The following PALLD variants were observed in gnomAD, a reference collection of about 807,000 sequenced individuals.
The protein encoded by PALLD is palladin.
A neutral mutation model predicts 123.5 loss-of-function variants in PALLD; 61 were observed. The ratio of observed to expected loss-of-function variants is 0.49; its 90% CI spans 0.40 to 0.61. PALLD has a LOEUF of 0.61. Ranked by LOEUF, PALLD falls within the 20% of genes least tolerant of loss-of-function variation. The pLI is 0.00. For synonymous variants in PALLD, 465 were observed against 496.4 expected, an observed-to-expected ratio of 0.94 and a Z score of 0.84; for missense variants, 1,273 against 1,377.0, an observed-to-expected ratio of 0.92 and a Z score of 1.20.
chr4:168,689,432 C>CTTTTTTTTTTTTTTTTTTT (rs70961551), intron 6 of PALLD, among the ~76,000 whole-genome samples: 4 of 49,858 alleles, frequency 8.0e-5, no homozygotes, highest in African/African-American at 1.4e-4. Flanking sequence ...ATCCAATATT[C>CTTTTTTTTTTTTTTTTTTT]TTTTTTTTTT....
At chr4:168,879,155 A>C (rs949612533) in intron 10 of PALLD, among the ~76,000 whole-genome samples, 1 of 152,134 alleles carries the variant, frequency 6.6e-6, no homozygotes, top group Non-Finnish European at 1.5e-5. Context: ...TGCCTCCTCT[A>C]TCTCTTTCTG....
intron 2 of PALLD, among the ~76,000 whole-genome samples, chr4:168,645,087 G>A (rs1355129666): frequency 2.2e-5 from 3 of 137,776 alleles, no homozygotes; most frequent in Admixed American, 1.5e-4. Flanking sequence ...GACAGTGTGC[G>A]ACACAGTCTC....
intron 2 of PALLD, among the ~76,000 whole-genome samples, chr4:168,572,432 A>AG (rs1219194681): frequency 6.6e-6 from 1 of 152,110 alleles, no homozygotes; most frequent in African/African-American, 2.4e-5. Context: ...TCTCCCTCCA[A>AG]GGGCCAAGAT....
At chr4:168,725,716 C>T (rs1040648588) in intron 10 of PALLD, among the ~76,000 whole-genome samples, 6 of 151,732 alleles carry the variant, frequency 4.0e-5, no homozygotes, top group Admixed American at 2.6e-4. Flanking sequence ...TTAGTACAGA[C>T]GGGGTTTCAC....
chr4:168,618,265 T>C (rs941883294), intron 2 of PALLD, among the ~76,000 whole-genome samples: 3 of 152,252 alleles, frequency 2.0e-5, no homozygotes, highest in African/African-American at 7.2e-5. Context: ...AATGTAGTTA[T>C]ATGTAATAAT....
intron 2 of PALLD, among the ~76,000 whole-genome samples, chr4:168,635,372 C>T (rs998012088): frequency 1.3e-5 from 2 of 152,322 alleles, no homozygotes; most frequent in Admixed American, 6.5e-5. Flanking sequence ...TGCAACACTT[C>T]GTTTGTGAGA....
At chr4:168,594,111 A>G (rs1771734184) in intron 2 of PALLD, among the ~76,000 whole-genome samples, 1 of 152,194 alleles carries the variant, frequency 6.6e-6, no homozygotes, top group Non-Finnish European at 1.5e-5. Flanking sequence ...AGTAGAGGTT[A>G]TATATAAAGG....
intron 2 of PALLD, among the ~76,000 whole-genome samples, chr4:168,513,333 G>A (rs897242763): frequency 6.6e-6 from 1 of 152,200 alleles, no homozygotes; most frequent in African/African-American, 2.4e-5. Context: ...AAATAACAGT[G>A]AAGGGAGTAT....
rs961491450 is a variant in PALLD at position 168,506,804 on chromosome 4, T to C, written c.-82-4619T>C. Among the ~76,000 whole-genome samples the C allele has an allele frequency of 3.9e-5, 6 of 152,222 alleles. No homozygotes were observed. The South Asian group carries it at 1.2e-3, about 32-fold the overall frequency. On this transcript the variant is annotated intron_variant, in intron 1 of 21. Transcript: ENST00000505667. ...GTAGCAATCTGGCTTATATTTCTGT[T>C]GCATACACCGAAAGTGCTGTTGCAA...
chr4:168,860,380 C>T (rs1357815554), intron 10 of PALLD, among the ~76,000 whole-genome samples: 1 of 152,186 alleles, frequency 6.6e-6, no homozygotes, highest in African/African-American at 2.4e-5. Context: ...AAAAGAAATA[C>T]ATCAGTGTAG....
chr4:168,883,708 A>G (rs1752941695), intron 10 of PALLD, among the ~76,000 whole-genome samples: 1 of 152,326 alleles, frequency 6.6e-6, no homozygotes, highest in East Asian at 1.9e-4. Context: ...TCCCAACCAC[A>G]TGAATATTGT....
chr4:168,758,645 A>G (rs559875872), intron 10 of PALLD, among the ~76,000 whole-genome samples: 5 of 152,204 alleles, frequency 3.3e-5, no homozygotes, highest in African/African-American at 1.2e-4. Flanking sequence ...AGCTTTTTTG[A>G]GGTTAGTCCA....
chr4:168,766,529 G>A (rs1010167312), intron 10 of PALLD, among the ~76,000 whole-genome samples: 2 of 152,176 alleles, frequency 1.3e-5, no homozygotes, highest in African/African-American at 2.4e-5. Flanking sequence ...CAAGGCAGGC[G>A]GTTGTCCAGC....
chr4:168,661,424 A>G (rs963796504), intron 2 of PALLD, among the ~76,000 whole-genome samples: 1 of 152,210 alleles, frequency 6.6e-6, no homozygotes, highest in African/African-American at 2.4e-5. Context: ...TGAATAATTG[A>G]TTGATGAATG....
chr4:168,851,328 GTC>G, intron 10 of PALLD, among the ~76,000 whole-genome samples: 1 of 151,282 alleles, frequency 6.6e-6, no homozygotes, highest in Admixed American at 6.5e-5. Context: ...CAACTGGCCA[GTC>G]TCTCGTAGAT....
intron 2 of PALLD, among the ~76,000 whole-genome samples, chr4:168,600,006 TATACATACATGTGTGTACACAC>T (rs1561290759): frequency 2.8e-4 from 36 of 129,466 alleles, no homozygotes; most frequent in African/African-American, 8.6e-4. Context: ...CACACACGTA[TATACATACATGTGTGTACACAC>T]ACATACATAC....
Position 168,878,183 on chromosome 4 carries a change from C to T in PALLD, c.1965-12739C>T. 7.9e-6 allele frequency: 12 copies of T among 1,512,290 alleles called. No individual in the cohort carries two copies. The highest frequency in any genetic ancestry group is 1.1e-5 in the Non-Finnish European group (12 of 1,137,968). The allele number at this position is 1,512,290 out of a possible 1,614,324, so 93.7% of individuals were successfully genotyped here. On this transcript the variant is annotated intron_variant, in intron 10 of 21. Coordinates refer to ENST00000505667, the MANE Select transcript of PALLD (RefSeq NM_001166108.2). ...GCCCCCGCCACCCCCGGTCTTCAGC[C>T]CCACGGCTGCCTTCCCGGTGCCCGA... is the stretch of plus-strand genomic sequence containing the variant.
At chr4:168,865,932 C>T (rs1750207275) in intron 10 of PALLD, among the ~76,000 whole-genome samples, 1 of 152,106 alleles carries the variant, frequency 6.6e-6, no homozygotes, top group African/African-American at 2.4e-5. Context: ...CGGGAAAGTA[C>T]TAAGTAGCCC....
At chr4:168,717,737 C>T (rs1304839060) in intron 10 of PALLD, among the ~76,000 whole-genome samples, 1 of 152,128 alleles carries the variant, frequency 6.6e-6, no homozygotes, top group Non-Finnish European at 1.5e-5. Flanking sequence ...AGTACTTTTC[C>T]AACTGACATC....
Sources: gnomAD v4.1 joint callset for allele counts (sites outside exome capture counted in the v4.1 genomes callset) on GRCh38, gnomAD v4.1.1 for gene constraint, MANE v1.5 for transcripts, NCBI Gene and HGNC (gene_info 2026-07-23, HGNC 2026-07-21) for gene names.